KIAA0319: variants seen among roughly 807,000 people sequenced by gnomAD.
KIAA0319 encodes dyslexia-associated protein KIAA0319.
In KIAA0319, 83 loss-of-function variants were observed where a neutral mutation model predicts 108.4. The observed-to-expected ratio is 0.77, with a 90% confidence interval of 0.64 to 0.92. KIAA0319 has a LOEUF of 0.92. KIAA0319 is among the 40% of genes least tolerant of loss of function. The probability of loss-of-function intolerance (pLI) is 0.00; values close to 1 mark genes in which losing one functional copy is unlikely to be tolerated. For synonymous variants in KIAA0319, 484 were observed against 510.4 expected, an observed-to-expected ratio of 0.95 and a Z score of 0.70; for missense variants, 1,195 against 1,322.4, an observed-to-expected ratio of 0.90 and a Z score of 1.49.
At chr6:24,554,711 A>G (rs1293443045) in intron 18 of KIAA0319, 80 bp from the exon 19 acceptor site, 1 of 1,020,856 alleles carries the variant, frequency 9.8e-7, no homozygotes, top group Non-Finnish European at 1.5e-6. Context: ...CATAACAACT[A>G]TTTCTGAATC....
In KIAA0319 at chr6:24,645,865, A is replaced by ACACACACACACACC; in HGVS notation, c.-236_-235insGGTGTGTGTGTGTG. Reference sequence around the variant, plus strand: ...TACACACACACACACACACACACACACACACACACACACACACACACACGT... The same window carrying ACACACACACACACC: ...TACACACACACACACACACACACACACACACACACACACCCACACACACACACACACACACACGT... On this transcript the variant is annotated 5_prime_UTR_variant, in exon 1 of 21. Coordinates refer to ENST00000378214, the MANE Select transcript of KIAA0319 (RefSeq NM_014809.4). 1 of 73,386 alleles carries ACACACACACACACC rather than the reference A, an allele frequency of 1.4e-5. No individual in the cohort carries two copies. The highest frequency in any genetic ancestry group is 3.6e-5 in the Non-Finnish European group (1 of 27,826). 4.5% of individuals were successfully genotyped at this position (73,386 alleles called of 1,614,324 possible). A position where few individuals can be genotyped will look rare whatever the true frequency, so the allele number is the denominator to read the frequency against.
intron 3 of KIAA0319, among the ~76,000 whole-genome samples, chr6:24,591,924 T>C (rs974367882): frequency 2.0e-5 from 3 of 152,216 alleles, no homozygotes; most frequent in Non-Finnish European, 4.4e-5. Context: ...GAGTTATTTA[T>C]ATATTCAGTA....
At chr6:24,583,142 A>G (rs903003441) in intron 5 of KIAA0319, 1 of 986,802 alleles carries the variant, frequency 1.0e-6, no homozygotes, top group Non-Finnish European at 1.2e-6. Context: ...AGTAGAAGAA[A>G]GAGCATTTTG....
In KIAA0319 at chr6:24,596,162, C is replaced by G. The variant is rs774674895; in HGVS notation, c.512G>C (p.Ser171Thr). ...ACTCCCTCTGGGCTCCTGCTTGCCA[C>G]TGGGTTGCAAGAGGTCCTTCTCCAG... ...RELEKDLLQP[S>T]GKQEPRGSAE... The change falls in exon 3 of 21, where the codon AGT (serine) becomes ACT (threonine). Residue 171 changes from serine to threonine, a missense_variant. Ser to Thr is a moderately conservative substitution (Grantham distance 58, BLOSUM62 1). Coordinates refer to ENST00000378214, the MANE Select transcript of KIAA0319 (RefSeq NM_014809.4). 2 of 1,614,130 alleles carry G rather than the reference C, an allele frequency of 1.2e-6. No homozygotes were observed. Among genetic ancestry groups the G allele is most frequent in the Non-Finnish European group, 1.7e-6 (2 of 1,180,028 alleles).
chr6:24,644,249 G>T (rs545348716), intron 1 of KIAA0319, among the ~76,000 whole-genome samples: 2 of 152,238 alleles, frequency 1.3e-5, no homozygotes, highest in South Asian at 2.1e-4. Flanking sequence ...AGGGGAGAGG[G>T]GGGGGTTCCC....
At chr6:24,586,522 A>G (rs1767517634) in intron 4 of KIAA0319, among the ~76,000 whole-genome samples, 1 of 152,166 alleles carries the variant, frequency 6.6e-6, no homozygotes, top group Non-Finnish European at 1.5e-5. Context: ...CTGCATAATG[A>G]ACCTCACTCT....
At position 24,559,129 on chromosome 6, in the gene KIAA0319, C is replaced by T; in HGVS notation, c.2618G>A (p.Ser873Asn). Residue 873 changes from serine to asparagine, a missense_variant, in exon 17 of 21, where the codon AGC becomes AAC. By Grantham distance (46) the Ser-to-Asn change is conservative. Coordinates refer to ENST00000378214, the MANE Select transcript of KIAA0319 (RefSeq NM_014809.4). ...TTTGAGAACCTTGAAAGGCGGCCTG[C>T]TCTGTACATAAAACACAATCACGGT... ...LSTVIVFYVQ[S>N]RPPFKVLKAA... 1 of 1,613,442 alleles carries T rather than the reference C, an allele frequency of 6.2e-7. No homozygotes were observed. Among genetic ancestry groups the T allele is most frequent in the Non-Finnish European group, 8.5e-7 (1 of 1,180,022 alleles).
chr6:24,542,794 C>A (rs1760249689), downstream of KIAA0319, among the ~76,000 whole-genome samples: 1 of 152,218 alleles, frequency 6.6e-6, no homozygotes, highest in African/African-American at 2.4e-5. Context: ...AAAACCCACA[C>A]CTTTGTTCAG....
intron 1 of KIAA0319, among the ~76,000 whole-genome samples, chr6:24,634,012 G>A (rs1300454367): frequency 6.6e-6 from 1 of 151,922 alleles, no homozygotes; most frequent in African/African-American, 2.4e-5. Context: ...TCAAACACAG[G>A]AACAAAATTA....
At chr6:24,602,001 A>G (rs1770692222) in intron 1 of KIAA0319, among the ~76,000 whole-genome samples, 1 of 152,066 alleles carries the variant, frequency 6.6e-6, no homozygotes, top group Non-Finnish European at 1.5e-5. Context: ...ATGATGGAAT[A>G]AATCACACTA....
intron 12 of KIAA0319, among the ~76,000 whole-genome samples, chr6:24,569,390 T>C (rs1764354914): frequency 6.6e-6 from 1 of 152,198 alleles, no homozygotes; most frequent in Non-Finnish European, 1.5e-5. Flanking sequence ...GTCCAAGCTC[T>C]TTCTCTTACT....
At position 24,547,161 on chromosome 6, in the gene KIAA0319, G is replaced by A. The variant is rs141315468; in HGVS notation, c.*4C>T. 7.9e-4 allele frequency: 1,281 copies of A among 1,613,894 alleles called. 2 individuals carry two copies. The highest frequency in any genetic ancestry group is 4.6e-3 in the Middle Eastern group (28 of 6,060). ...GTCCTTCCACTTTACAATGAACTGC[G>A]CCATTATCTGTCCTTTGAGCAATAA... On this transcript the variant is annotated 3_prime_UTR_variant, in exon 21 of 21. Coordinates refer to ENST00000378214, the MANE Select transcript of KIAA0319 (RefSeq NM_014809.4).
At position 24,599,989 on chromosome 6, in the gene KIAA0319, G is replaced by GT. The variant is rs1424159322; in HGVS notation, c.55+1059dup. Among the ~76,000 whole-genome samples, 2 of 150,890 alleles carry GT rather than the reference G, an allele frequency of 1.3e-5. No individual in the cohort carries two copies. The highest frequency in any genetic ancestry group is 2.9e-5 in the Non-Finnish European group (2 of 67,880). ...CTCCAGCTACAAAACAATTCAATTG[G>GT]TTTTTTTCCAAAATAAACCCTCAGC... On this transcript the variant is annotated intron_variant, in intron 2 of 20. Transcript: ENST00000378214. The surrounding 1 kb of genome is among the most constrained non-coding windows in gnomAD (Gnocchi z 4.1).
At chr6:24,616,963 A>C (rs980537705) in intron 1 of KIAA0319, among the ~76,000 whole-genome samples, 3 of 152,178 alleles carry the variant, frequency 2.0e-5, no homozygotes, top group Non-Finnish European at 4.4e-5. Context: ...TGTTGAATTA[A>C]ATTAATAATA....
chr6:24,560,655 A>G (rs1022866070), intron 16 of KIAA0319, among the ~76,000 whole-genome samples: 4 of 152,142 alleles, frequency 2.6e-5, no homozygotes, highest in African/African-American at 9.7e-5. Context: ...GCTGCCAGCA[A>G]TCCTTGGTAT....
At position 24,546,103 on chromosome 6, in the gene KIAA0319, A is replaced by G. The variant is rs1484981339; in HGVS notation, c.*1062T>C. 1 of 152,236 alleles carries G rather than the reference A, an allele frequency of 6.6e-6. No individual in the cohort carries two copies. The highest frequency in any genetic ancestry group is 1.5e-5 in the Non-Finnish European group (1 of 68,052). 9.4% of individuals were successfully genotyped at this position (152,236 alleles called of 1,614,324 possible). On this transcript the variant is annotated 3_prime_UTR_variant, in exon 21 of 21. Transcript: ENST00000378214. ...TTTAATTGTCTTTCATGTTTGAAAT[A>G]AGATTTATTCGGTAGAAAAACTTAA...
chr6:24,603,540 C>T (rs1268629940), intron 1 of KIAA0319, among the ~76,000 whole-genome samples: 1 of 152,232 alleles, frequency 6.6e-6, no homozygotes, highest in Non-Finnish European at 1.5e-5. Context: ...CTTCATTCCT[C>T]CTCCCTCCAC....
chr6:24,644,242 GGA>G (rs1159565080), intron 1 of KIAA0319, among the ~76,000 whole-genome samples: 1 of 74,746 alleles, frequency 1.3e-5, no homozygotes, highest in African/African-American at 6.7e-5. Context: ...CCTGGACAGG[GGA>G]GAGGGGGGGG....
intron 1 of KIAA0319, among the ~76,000 whole-genome samples, chr6:24,606,669 A>G (rs1157840708): frequency 6.6e-6 from 1 of 152,212 alleles, no homozygotes; most frequent in African/African-American, 2.4e-5. Context: ...TAAAACTCAC[A>G]TAATTATCTG....
Sources: gnomAD v4.1 joint callset for allele counts (sites outside exome capture counted in the v4.1 genomes callset) on GRCh38, gnomAD v4.1.1 for gene constraint, Gnocchi (gnomAD v3.1) non-coding constraint, MANE v1.5 for transcripts, NCBI Gene and HGNC (gene_info 2026-07-23, HGNC 2026-07-21) for gene names.